Variants in UMODL1 observed in about 807,000 individuals in gnomAD.
UMODL1 encodes the protein uromodulin-like 1.
A neutral mutation model predicts 136.3 loss-of-function variants in UMODL1; 128 were observed. The observed-to-expected ratio is 0.94, with a 90% confidence interval of 0.81 to 1.09. UMODL1 has a LOEUF of 1.09. UMODL1 is among the 50% of genes least tolerant of loss of function. The pLI is 0.00. For synonymous variants in UMODL1, 721 were observed against 720.0 expected, an observed-to-expected ratio of 1.00 and a Z score of -0.02; for missense variants, 1,766 against 1,725.6, an observed-to-expected ratio of 1.02 and a Z score of -0.41.
chr21:42,097,803 G>A (rs1015388967), intron 6 of UMODL1, among the ~76,000 whole-genome samples: 1 of 152,156 alleles, frequency 6.6e-6, no homozygotes, highest in African/African-American at 2.4e-5. Context: ...GACACTTGCT[G>A]TACAGCCAGA....
At chr21:42,092,168 C>T (rs1025442890) in intron 6 of UMODL1, among the ~76,000 whole-genome samples, 14 of 152,126 alleles carry the variant, frequency 9.2e-5, no homozygotes, top group Non-Finnish European at 1.5e-4. Context: ...AGCCAGCAGC[C>T]CGGGTTAGGA....
At chr21:42,129,644 T>C in intron 20 of UMODL1, 69 bp from the exon 21 acceptor site, 6 of 1,382,758 alleles carry the variant, frequency 4.3e-6, no homozygotes, top group Non-Finnish European at 5.9e-6. Flanking sequence ...GCATCCTTGA[T>C]AGTAGCTCCT....
At chr21:42,120,981 G>C (rs2066962397) in intron 15 of UMODL1, 106 bp from the exon 16 acceptor site, 1 of 1,417,390 alleles carries the variant, frequency 7.1e-7, no homozygotes, top group African/African-American at 1.4e-5. Flanking sequence ...GCTGTGGCTG[G>C]AGTTTCCAGC....
At chr21:42,102,540 C>A (rs220110) in intron 8 of UMODL1, 72,634 of 237,836 alleles carry the variant, frequency 0.31, 11,097 homozygotes, top group East Asian at 0.38. Context: ...ACACCACTTA[C>A]TCCTACTGTT....
At chr21:42,090,747 G>A (rs1207660429) in intron 6 of UMODL1, among the ~76,000 whole-genome samples, 2 of 152,272 alleles carry the variant, frequency 1.3e-5, no homozygotes, top group Middle Eastern at 6.8e-3. Flanking sequence ...CATTGTTCTC[G>A]AACAAGTTGT....
chr21:42,084,364 G>A (rs963533261), intron 3 of UMODL1, 119 bp downstream of exon 3: 4 of 1,161,522 alleles, frequency 3.4e-6, no homozygotes, highest in African/African-American at 1.6e-5. Context: ...ATTTCATCAG[G>A]AGCCCCCACC....
At chr21:42,076,839 C>T (rs428778) in intron 2 of UMODL1, among the ~76,000 whole-genome samples, 42,922 of 151,988 alleles carry the variant, frequency 0.28, 6,677 homozygotes, top group Non-Finnish European at 0.35. Flanking sequence ...CAAGTCCTCC[C>T]AGTTCCTCAG....
At chr21:42,109,106 G>C (rs34212454) in intron 9 of UMODL1, among the ~76,000 whole-genome samples, 20,185 of 93,670 alleles carry the variant, frequency 0.22, 4,455 homozygotes, top group African/African-American at 0.29. Flanking sequence ...GTGGAAAGCT[G>C]GTGTTATACT....
chr21:42,077,002 GGTGTGTGTGTGTGTGTGTGTGT>G lies in UMODL1; in HGVS notation c.319+799_319+820del, dbSNP rs56409028. Among the ~76,000 whole-genome samples the G allele has an allele frequency of 7.3e-3, 828 of 113,284 alleles. 8 individuals are homozygous for G. Among genetic ancestry groups the G allele is most frequent in the African/African-American group, 0.019 (625 of 32,558 alleles). The allele number at this position is 113,284 out of a possible 152,430, so 74.3% of individuals were successfully genotyped here. A position where few individuals can be genotyped will look rare whatever the true frequency, so the allele number is the denominator to read the frequency against. ...CACAGGTGATCTCTTCCAGGGGAGG[GGTGTGTGTGTGTGTGTGTGTGT>G]GTGTGTGTGTGTGTGTGTGTGTGTG... On this transcript the variant is annotated intron_variant, in intron 2 of 22. Coordinates refer to ENST00000408910, the MANE Select transcript of UMODL1 (RefSeq NM_001004416.3).
chr21:42,077,021 G>A (rs1280433857), intron 2 of UMODL1, among the ~76,000 whole-genome samples: 1 of 118,914 alleles, frequency 8.4e-6, no homozygotes, highest in Non-Finnish European at 1.6e-5. Flanking sequence ...GTGTGTGTGT[G>A]TGTGTGTGTG....
At chr21:42,114,729 A>C (rs976902675) in intron 13 of UMODL1, among the ~76,000 whole-genome samples, 5 of 152,360 alleles carry the variant, frequency 3.3e-5, no homozygotes, top group African/African-American at 9.6e-5. Flanking sequence ...CATGACGTGA[A>C]TTGTGCACGT....
At chr21:42,073,542 G>A (rs895392445) in intron 1 of UMODL1, among the ~76,000 whole-genome samples, 1 of 152,192 alleles carries the variant, frequency 6.6e-6, no homozygotes, top group African/African-American at 2.4e-5. Flanking sequence ...TGTTGCTTGT[G>A]GAGTGGGGTC....
chr21:42,123,712 ATG>A lies in UMODL1; in HGVS notation c.3147+565_3147+566del. ...CATGTATGAATGTGTGAGTGTGTGA[ATG>A]TGAGAATGTGTCTATGTGCATGTGT... On this transcript the variant is annotated intron_variant, in intron 17 of 22. Coordinates refer to ENST00000408910, the MANE Select transcript of UMODL1 (RefSeq NM_001004416.3). The surrounding 1 kb of genome is among the most constrained non-coding windows in gnomAD (Gnocchi z 4.4). Among the ~76,000 whole-genome samples, 1 of 151,172 alleles carries A rather than the reference ATG, an allele frequency of 6.6e-6. No homozygotes were observed. The highest frequency in any genetic ancestry group is 2.1e-4 in the South Asian group (1 of 4,768).
chr21:42,111,139 G>C lies in UMODL1; in HGVS notation c.1899+18G>C, dbSNP rs201794605. The C allele has an allele frequency of 1.3e-6, 2 of 1,598,418 alleles. No homozygotes were observed. The highest frequency in any genetic ancestry group is 2.2e-5 in the South Asian group (2 of 89,142). On this transcript the variant is annotated intron_variant, in intron 11 of 22. Coordinates refer to ENST00000408910, the MANE Select transcript of UMODL1 (RefSeq NM_001004416.3). ...AGCAGGAGGTGCCCAGCACTGCCCC[G>C]GGTCTGGGGATGGACCAGGGGAGCC...
intron 21 of UMODL1, among the ~76,000 whole-genome samples, chr21:42,135,574 C>A (rs557071673): frequency 2.0e-5 from 3 of 152,244 alleles, no homozygotes. Flanking sequence ...GCGGCACCCC[C>A]CCTTGTGCTG....
chr21:42,105,987 G>A (rs183916265), intron 9 of UMODL1, among the ~76,000 whole-genome samples: 13 of 152,318 alleles, frequency 8.5e-5, no homozygotes, highest in Admixed American at 7.2e-4. Flanking sequence ...GCTCTTGCCC[G>A]GCAGGGTCCC....
intron 7 of UMODL1, 140 bp from the exon 8 acceptor site, chr21:42,102,026 T>C (rs1569155265): frequency 6.6e-6 from 4 of 603,384 alleles, no homozygotes; most frequent in Non-Finnish European, 1.2e-5. Flanking sequence ...TTTCCCCCAA[T>C]TAGGATACCT....
Position 42,103,910 on chromosome 21 carries a change from A to T in UMODL1, c.1342A>T (p.Ser448Cys), listed in dbSNP as rs918424361. The T allele has an allele frequency of 1.9e-6, 3 of 1,614,120 alleles. 1 individual carries two copies. The Middle Eastern group carries it at 4.9e-4, about 266-fold the overall frequency. Residue 448 changes from serine to cysteine, a missense_variant, in exon 9 of 23, where the codon AGT (serine) becomes TGT (cysteine). Transcript: ENST00000408910. ...FPPVVSDLYR[S>C]GKLRMQIVSL... ...ACCAGTGGTGTCTGACTTGTACCGA[A>T]GTGGGAAGCTGAGAATGCAGATCGT...
At chr21:42,139,890 A>T (rs181470121) in intron 22 of UMODL1, among the ~76,000 whole-genome samples, 2 of 152,264 alleles carry the variant, frequency 1.3e-5, no homozygotes, top group East Asian at 3.9e-4. Context: ...CAAAGCTAAC[A>T]CAAGCGTCCC....
Sources: allele counts gnomAD v4.1 joint callset (sites outside exome capture counted in the v4.1 genomes callset), GRCh38; gene constraint gnomAD v4.1.1; non-coding constraint Gnocchi (gnomAD v3.1); transcripts MANE v1.5; gene names NCBI Gene and HGNC (gene_info 2026-07-23, HGNC 2026-07-21).